The following PLXNA4 variants were observed in gnomAD, a reference collection of about 807,000 sequenced individuals.
The protein encoded by PLXNA4 is plexin-A4.
Under a neutral mutation model 191.8 loss-of-function variants are expected in PLXNA4, and 44 were observed. That is an observed-to-expected ratio of 0.23 (90% confidence interval 0.18 to 0.29). The LOEUF (loss-of-function observed/expected upper bound fraction) is 0.29, where lower values mean the gene tolerates loss of function less well. Among genes scored for constraint, PLXNA4 ranks in the 10% least tolerant of loss-of-function variants. The probability of loss-of-function intolerance (pLI) is 1.00; values close to 1 mark genes in which losing one functional copy is unlikely to be tolerated. For missense variants in PLXNA4, 1,800 were observed against 2,488.8 expected (o/e 0.72, Z 5.89); for synonymous variants, 1,082 against 1,009.5 (o/e 1.07, Z -1.36).
intron 3 of PLXNA4, among the ~76,000 whole-genome samples, chr7:132,396,863 C>A (rs1344885465): frequency 6.6e-6 from 1 of 152,260 alleles, no homozygotes; most frequent in African/African-American, 2.4e-5. Flanking sequence ...GTGCAGTGCA[C>A]CCTCTCCAGA....
chr7:132,228,741 G>A (rs1798421646), intron 5 of PLXNA4, among the ~76,000 whole-genome samples: 1 of 152,224 alleles, frequency 6.6e-6, no homozygotes, highest in African/African-American at 2.4e-5. Flanking sequence ...ATAAGGTGTT[G>A]CACAGTTCTG....
chr7:132,460,266 G>A (rs949451027), intron 3 of PLXNA4, among the ~76,000 whole-genome samples: 1 of 151,954 alleles, frequency 6.6e-6, no homozygotes, highest in Non-Finnish European at 1.5e-5. Context: ...GGCTGAGGTG[G>A]GAGGATCCCT....
chr7:132,447,513 G>A (rs1029364930), intron 3 of PLXNA4, among the ~76,000 whole-genome samples: 15 of 152,172 alleles, frequency 9.9e-5, no homozygotes, highest in Admixed American at 3.9e-4. Flanking sequence ...AGAGATAGAG[G>A]TGGGAAGGGG....
intron 4 of PLXNA4, chr7:132,271,281 G>A (rs1264628928): frequency 6.6e-6 from 1 of 152,088 alleles, no homozygotes; most frequent in Non-Finnish European, 1.5e-5. Flanking sequence ...CTGAATTTTT[G>A]AAGCTTATCC....
intron 9 of PLXNA4, among the ~76,000 whole-genome samples, chr7:132,220,810 C>CTTTTTTTTTTT (rs35090579): frequency 3.0e-5 from 3 of 100,792 alleles, no homozygotes; most frequent in African/African-American, 4.0e-5. Flanking sequence ...TTATTTTATT[C>CTTTTTTTTTTT]TTTTTTTTTT....
At chr7:132,628,687 C>A (rs754591937) in intron 2 of PLXNA4, among the ~76,000 whole-genome samples, 1 of 151,912 alleles carries the variant, frequency 6.6e-6, no homozygotes, top group Non-Finnish European at 1.5e-5. Flanking sequence ...CTAGACTTTC[C>A]TCAACTCTGT....
intron 3 of PLXNA4, among the ~76,000 whole-genome samples, chr7:132,487,216 C>CA (rs1415005332): frequency 6.6e-6 from 1 of 152,172 alleles, no homozygotes; most frequent in Non-Finnish European, 1.5e-5. Context: ...CATCCAGGGT[C>CA]TACTCCATCC....
chr7:132,170,853 T>C (rs2116678051), intron 21 of PLXNA4, among the ~76,000 whole-genome samples: 1 of 152,356 alleles, frequency 6.6e-6, no homozygotes, highest in African/African-American at 2.4e-5. Flanking sequence ...TTTCTCTCAC[T>C]GTGGTGCTGG....
At chr7:132,510,162 T>C (rs187079150) in intron 1 of PLXNA4, among the ~76,000 whole-genome samples, 2 of 152,264 alleles carry the variant, frequency 1.3e-5, no homozygotes, top group Non-Finnish European at 2.9e-5. Flanking sequence ...CAACATCCTA[T>C]CTGGGGGCAT....
intron 2 of PLXNA4, among the ~76,000 whole-genome samples, chr7:132,606,115 G>A (rs1802919140): frequency 6.6e-6 from 1 of 152,202 alleles, no homozygotes; most frequent in Non-Finnish European, 1.5e-5. Context: ...AGTGAGCCGA[G>A]ATCATGCCAT....
At position 132,125,650 on chromosome 7, in the gene PLXNA4, G is replaced by A. The variant is rs568926273; in HGVS notation, c.*4829C>T. 6.6e-6 allele frequency: 1 copy of A among 152,236 alleles called. No homozygotes were observed. The highest frequency in any genetic ancestry group is 2.4e-5 in the African/African-American group (1 of 41,512). The allele number at this position is 152,236 out of a possible 1,614,324, so 9.4% of individuals were successfully genotyped here. ...TTAAAGGAAGAGGCTGAGGGTTCAA[G>A]GCCTCCCAGTCACCTGTCCTGAGAG... is the stretch of plus-strand genomic sequence containing the variant. On this transcript the variant is annotated 3_prime_UTR_variant, in exon 32 of 32. Coordinates refer to ENST00000321063, the MANE Select transcript of PLXNA4 (RefSeq NM_020911.2).
chr7:132,213,046 A>G (rs1344871132), intron 9 of PLXNA4, among the ~76,000 whole-genome samples: 2 of 152,250 alleles, frequency 1.3e-5, no homozygotes, highest in African/African-American at 4.8e-5. Flanking sequence ...AATGTGGCCT[A>G]TTCATACAAT....
At chr7:132,588,750 GAGAA>G (rs1802552613) in intron 2 of PLXNA4, among the ~76,000 whole-genome samples, 2 of 142,992 alleles carry the variant, frequency 1.4e-5, no homozygotes, top group Middle Eastern at 3.6e-3. Context: ...GAAAGAAAGA[GAGAA>G]AGAGAGAAAA....
At chr7:132,331,350 G>A (rs546567320) in intron 3 of PLXNA4, among the ~76,000 whole-genome samples, 1 of 152,336 alleles carries the variant, frequency 6.6e-6, no homozygotes, top group South Asian at 2.1e-4. Context: ...AAGGACAGAG[G>A]GTTTGGCTCT....
intron 12 of PLXNA4, among the ~76,000 whole-genome samples, chr7:132,201,937 A>G (rs1797450017): frequency 6.6e-6 from 1 of 152,112 alleles, no homozygotes; most frequent in Admixed American, 6.5e-5. Context: ...TGCGTGTGAA[A>G]TCCTTCCAGC....
intron 4 of PLXNA4, among the ~76,000 whole-genome samples, chr7:132,252,725 C>A (rs1306397059): frequency 6.6e-6 from 1 of 152,176 alleles, no homozygotes; most frequent in African/African-American, 2.4e-5. Context: ...CTCTTGGAAT[C>A]TTTCCTGCAG....
intron 2 of PLXNA4, among the ~76,000 whole-genome samples, chr7:132,491,788 G>A (rs1797815560): frequency 6.6e-6 from 1 of 152,140 alleles, no homozygotes; most frequent in Non-Finnish European, 1.5e-5. Context: ...AATTTACAAG[G>A]GAGTGTTCAA....
At chr7:132,201,374 G>A (rs187250746) in intron 12 of PLXNA4, among the ~76,000 whole-genome samples, 1 of 152,166 alleles carries the variant, frequency 6.6e-6, no homozygotes, top group South Asian at 2.1e-4. Flanking sequence ...CAAGGTAAGG[G>A]GTGTAAAGGT....
At chr7:132,443,593 GC>G (rs2117260220) in intron 3 of PLXNA4, among the ~76,000 whole-genome samples, 2 of 152,324 alleles carry the variant, frequency 1.3e-5, no homozygotes, top group African/African-American at 4.8e-5. Context: ...AAGACGATGA[GC>G]CGACACTGCG....
Sources: gnomAD v4.1 joint callset for allele counts (sites outside exome capture counted in the v4.1 genomes callset) on GRCh38, gnomAD v4.1.1 for gene constraint, MANE v1.5 for transcripts, NCBI Gene and HGNC (gene_info 2026-07-23, HGNC 2026-07-21) for gene names.